Variants in BRINP3 observed in about 807,000 individuals in gnomAD.
BRINP3 encodes the protein BMP/retinoic acid inducible neural specific 3.
A neutral mutation model predicts 71.0 loss-of-function variants in BRINP3; 19 were observed. The observed-to-expected ratio is 0.27, with a 90% CI of 0.19 to 0.39. The LOEUF is 0.39. BRINP3 is among the 10% of genes least tolerant of loss of function. The pLI is 1.00. For synonymous variants in BRINP3, 380 were observed against 337.7 expected (o/e 1.13, Z -1.37); for missense variants, 959 against 940.8 (o/e 1.02, Z -0.25).
chr1:190,395,268 T>G (rs1231044232), intron 2 of BRINP3, among the ~76,000 whole-genome samples: 1 of 151,736 alleles, frequency 6.6e-6, no homozygotes, highest in Non-Finnish European at 1.5e-5. Context: ...TAGTTTTGTC[T>G]AAATTCAATT....
chr1:190,229,778 TCTC>T, intron 5 of BRINP3, among the ~76,000 whole-genome samples: 1 of 151,996 alleles, frequency 6.6e-6, no homozygotes, highest in African/African-American at 2.4e-5. Flanking sequence ...AACTAAATCT[TCTC>T]TGAAGGAAAA....
At chr1:190,236,913 T>C (rs1297510774) in intron 4 of BRINP3, among the ~76,000 whole-genome samples, 1 of 151,722 alleles carries the variant, frequency 6.6e-6, no homozygotes, top group East Asian at 1.9e-4. Context: ...TTTTAGAAAG[T>C]TTTCTAAGTA....
chr1:190,207,279 T>C (rs1655593624), intron 6 of BRINP3, among the ~76,000 whole-genome samples: 1 of 152,138 alleles, frequency 6.6e-6, no homozygotes, highest in African/African-American at 2.4e-5. Flanking sequence ...TTTATCTTGT[T>C]ATTCTCTGTG....
At chr1:190,415,890 G>A (rs1397503038) in intron 2 of BRINP3, among the ~76,000 whole-genome samples, 1 of 152,176 alleles carries the variant, frequency 6.6e-6, no homozygotes, top group Non-Finnish European at 1.5e-5. Flanking sequence ...CTGGGTGACA[G>A]AGTAAGAACT....
chr1:190,362,719 G>A (rs1430812292), intron 2 of BRINP3, among the ~76,000 whole-genome samples: 2 of 152,130 alleles, frequency 1.3e-5, no homozygotes, highest in African/African-American at 2.4e-5. Context: ...AAAATCTGAT[G>A]ATTGTATAAG....
intron 4 of BRINP3, among the ~76,000 whole-genome samples, chr1:190,242,315 C>G (rs985235580): frequency 6.6e-6 from 1 of 151,874 alleles, no homozygotes; most frequent in Non-Finnish European, 1.5e-5. Context: ...CATCTCAACA[C>G]AAAAGTAAGC....
intron 2 of BRINP3, among the ~76,000 whole-genome samples, chr1:190,439,421 T>C (rs529931617): frequency 6.6e-6 from 1 of 152,066 alleles, no homozygotes; most frequent in South Asian, 2.1e-4. Flanking sequence ...ATAAGACTAT[T>C]TTATATTTAA....
At chr1:190,173,734 A>G (rs1010395060) in intron 6 of BRINP3, among the ~76,000 whole-genome samples, 5 of 152,188 alleles carry the variant, frequency 3.3e-5, no homozygotes, top group Admixed American at 6.6e-5. Context: ...CATTTCATAT[A>G]AGTAACATAT....
At chr1:190,395,945 AAAT>A (rs1184663769) in intron 2 of BRINP3, among the ~76,000 whole-genome samples, 1 of 151,634 alleles carries the variant, frequency 6.6e-6, no homozygotes, top group Non-Finnish European at 1.5e-5. Context: ...AATATAAGAA[AAAT>A]AATGAAAGAA....
chr1:190,103,685 G>T (rs1389227858), intron 7 of BRINP3, among the ~76,000 whole-genome samples: 1 of 152,052 alleles, frequency 6.6e-6, no homozygotes, highest in East Asian at 1.9e-4. Context: ...GTAAGGAAAA[G>T]TTGAAAGTTC....
chr1:190,274,955 G>A (rs540038226), intron 3 of BRINP3, among the ~76,000 whole-genome samples: 4 of 151,782 alleles, frequency 2.6e-5, no homozygotes, highest in Admixed American at 2.0e-4. Context: ...ATATTATGGG[G>A]AGGAAAGAGC....
rs554230476 is a variant in BRINP3, at chr1:190,406,920, T to A, written c.236+47735A>T. On this transcript the variant is annotated intron_variant, in intron 2 of 7. Transcript: ENST00000367462. Reference sequence around the variant, plus strand: ...TTCACTTGAATATAATTGAAGCTCTTTTTTGGTCAAGCTAGATGCCATATT... The same window carrying A: ...TTCACTTGAATATAATTGAAGCTCTATTTTGGTCAAGCTAGATGCCATATT... 2.5e-4 allele frequency among the ~76,000 whole-genome samples: 38 copies of A among 152,300 alleles called. 1 individual carries two copies. The South Asian group carries it at 7.5e-3, about 30-fold the overall frequency.
intron 6 of BRINP3, among the ~76,000 whole-genome samples, chr1:190,191,407 A>C (rs1043863984): frequency 3.3e-5 from 5 of 150,530 alleles, no homozygotes; most frequent in Non-Finnish European, 7.4e-5. Flanking sequence ...CCCTCCCCTC[A>C]CCTCCACCCC....
chr1:190,282,048 A>T (rs1663081937), intron 2 of BRINP3, among the ~76,000 whole-genome samples: 1 of 151,966 alleles, frequency 6.6e-6, no homozygotes, highest in Admixed American at 6.6e-5. Flanking sequence ...ATATGAATAT[A>T]GAGTTACTAA....
At chr1:190,429,644 G>A (rs924538666) in intron 2 of BRINP3, among the ~76,000 whole-genome samples, 1 of 147,182 alleles carries the variant, frequency 6.8e-6, no homozygotes, top group African/African-American at 2.5e-5. Flanking sequence ...AGACTGGAGT[G>A]CAATGAGGAG....
intron 6 of BRINP3, among the ~76,000 whole-genome samples, chr1:190,223,591 A>G (rs1657075783): frequency 6.6e-6 from 1 of 151,958 alleles, no homozygotes; most frequent in Non-Finnish European, 1.5e-5. Context: ...CTTATGAGAA[A>G]GGCCTTTTCT....
At chr1:190,232,689 C>T (rs1658109778) in intron 5 of BRINP3, among the ~76,000 whole-genome samples, 1 of 152,022 alleles carries the variant, frequency 6.6e-6, no homozygotes, top group African/African-American at 2.4e-5. Flanking sequence ...AGATAGGGGA[C>T]TGAAGGATTT....
At chr1:190,275,960 T>TAG (rs1005395649) in intron 3 of BRINP3, among the ~76,000 whole-genome samples, 23 of 150,536 alleles carry the variant, frequency 1.5e-4, no homozygotes, top group South Asian at 2.1e-4. Context: ...TATATATATA[T>TAG]ATAGAGAGAG....
chr1:190,448,962 A>G (rs969921396), intron 2 of BRINP3, among the ~76,000 whole-genome samples: 1 of 152,048 alleles, frequency 6.6e-6, no homozygotes, highest in South Asian at 2.1e-4. Context: ...GAAAATGGAA[A>G]TATTAATAAA....
Sources: gnomAD v4.1 joint callset for allele counts (sites outside exome capture counted in the v4.1 genomes callset) on GRCh38, gnomAD v4.1.1 for gene constraint, MANE v1.5 for transcripts, NCBI Gene and HGNC (gene_info 2026-07-23, HGNC 2026-07-21) for gene names.